Variants in PIK3AP1 observed in about 807,000 individuals in gnomAD.
The protein encoded by PIK3AP1 is phosphoinositide 3-kinase adapter protein 1.
In PIK3AP1, 21 loss-of-function variants were observed where a neutral mutation model predicts 88.1. The ratio of observed to expected loss-of-function variants is 0.24; its 90% CI spans 0.17 to 0.34. The LOEUF is 0.34. PIK3AP1 is among the 10% of genes least tolerant of loss of function. The pLI is 1.00. For synonymous variants in PIK3AP1, 398 were observed against 400.0 expected (o/e 1.00, Z 0.06); for missense variants, 828 against 1,035.7 (o/e 0.80, Z 2.75).
At chr10:96,717,383 C>T (rs1844515977) in intron 1 of PIK3AP1, among the ~76,000 whole-genome samples, 1 of 152,080 alleles carries the variant, frequency 6.6e-6, no homozygotes, top group South Asian at 2.1e-4. Flanking sequence ...ATTCATCCAT[C>T]CTGGAGCCCC....
chr10:96,635,904 C>CA (rs1275502984), intron 8 of PIK3AP1, among the ~76,000 whole-genome samples: 1 of 151,274 alleles, frequency 6.6e-6, no homozygotes, highest in East Asian at 1.9e-4. Context: ...GACTCCATCT[C>CA]AAAAAAAGAA....
At chr10:96,657,530 G>T (rs1204407159) in intron 2 of PIK3AP1, among the ~76,000 whole-genome samples, 1 of 152,168 alleles carries the variant, frequency 6.6e-6, no homozygotes, top group Non-Finnish European at 1.5e-5. Context: ...GGTGAGCAGG[G>T]GTGTGCAAAT....
At chr10:96,632,995 C>A in intron 8 of PIK3AP1, 1 of 1,612,782 alleles carries the variant, frequency 6.2e-7, no homozygotes, top group South Asian at 1.1e-5. Context: ...GTCCTTGCAT[C>A]TGATCAGCAA....
At chr10:96,612,555 C>T (rs1034822818) in intron 13 of PIK3AP1, among the ~76,000 whole-genome samples, 1 of 152,118 alleles carries the variant, frequency 6.6e-6, no homozygotes, top group Non-Finnish European at 1.5e-5. Context: ...TATCGTGTGT[C>T]AATAATATGT....
intron 1 of PIK3AP1, among the ~76,000 whole-genome samples, chr10:96,716,283 TTAAATAAATAAA>T (rs556728068): frequency 6.6e-6 from 1 of 151,838 alleles, no homozygotes; most frequent in Non-Finnish European, 1.5e-5. Flanking sequence ...CCCTGTCTCA[TTAAATAAATAAA>T]TAAATAAATA....
At chr10:96,719,239 T>C (rs1844541349) in intron 1 of PIK3AP1, among the ~76,000 whole-genome samples, 1 of 152,272 alleles carries the variant, frequency 6.6e-6, no homozygotes, top group Admixed American at 6.5e-5. Flanking sequence ...TCCTGGCCTT[T>C]TCTACCTCTG....
At chr10:96,596,611 A>G (rs1424106513) in intron 16 of PIK3AP1, among the ~76,000 whole-genome samples, 2 of 152,212 alleles carry the variant, frequency 1.3e-5, no homozygotes, top group East Asian at 3.8e-4. Context: ...CTGCTTCCTC[A>G]TGAGATAACT....
At chr10:96,642,649 C>T (rs529664189) in intron 8 of PIK3AP1, among the ~76,000 whole-genome samples, 4 of 152,282 alleles carry the variant, frequency 2.6e-5, no homozygotes, top group East Asian at 1.9e-4. Context: ...CCCCCTGGCC[C>T]GGGTGACTTC....
At chr10:96,671,666 C>CCGT (rs1427029393) in intron 2 of PIK3AP1, among the ~76,000 whole-genome samples, 3 of 151,036 alleles carry the variant, frequency 2.0e-5, no homozygotes, top group Non-Finnish European at 4.4e-5. Flanking sequence ...GTTCTCATCA[C>CCGT]CGTCGTCATC....
chr10:96,620,650 G>T, intron 11 of PIK3AP1, 93 bp from the exon 12 acceptor site: 4 of 1,074,420 alleles, frequency 3.7e-6, no homozygotes, highest in South Asian at 1.4e-5. Context: ...ACAGGCTCAA[G>T]AGGACTCTTC....
intron 2 of PIK3AP1, among the ~76,000 whole-genome samples, chr10:96,690,026 A>G (rs1198916052): frequency 2.0e-5 from 3 of 152,218 alleles, no homozygotes; most frequent in Admixed American, 2.0e-4. Flanking sequence ...ACTACTGTCC[A>G]GGAATCCTAA....
chr10:96,708,548 C>CTGGA (rs1844394264), intron 2 of PIK3AP1, among the ~76,000 whole-genome samples: 1 of 129,590 alleles, frequency 7.7e-6, no homozygotes, highest in Admixed American at 9.3e-5. Flanking sequence ...GCACTCCAAC[C>CTGGA]TGGACGTCAG....
chr10:96,633,132 A>G (rs2134214655), intron 8 of PIK3AP1: 3 of 1,468,248 alleles, frequency 2.0e-6, no homozygotes, highest in Non-Finnish European at 2.7e-6. Context: ...GAGGTATGCC[A>G]GAGTCAATGC....
chr10:96,617,183 T>G (rs1446550651), intron 12 of PIK3AP1, among the ~76,000 whole-genome samples: 2 of 152,186 alleles, frequency 1.3e-5, no homozygotes, highest in African/African-American at 4.8e-5. Flanking sequence ...GTGTGCACAC[T>G]CTTGTGCCTT....
chr10:96,677,604 CACA>C (rs1843941619), intron 2 of PIK3AP1, among the ~76,000 whole-genome samples: 1 of 151,714 alleles, frequency 6.6e-6, no homozygotes, highest in African/African-American at 2.4e-5. Flanking sequence ...CACACACACA[CACA>C]CACACACACA....
intron 1 of PIK3AP1, among the ~76,000 whole-genome samples, chr10:96,715,408 C>A (rs1844488811): frequency 6.6e-6 from 1 of 152,158 alleles, no homozygotes; most frequent in Non-Finnish European, 1.5e-5. Context: ...CTAAGGAAAT[C>A]TGAGGAAAGC....
intron 16 of PIK3AP1, among the ~76,000 whole-genome samples, chr10:96,601,243 G>A (rs1478352145): frequency 6.6e-6 from 1 of 152,050 alleles, no homozygotes; most frequent in Non-Finnish European, 1.5e-5. Flanking sequence ...GGAGGCTGAG[G>A]CGAGCAGATT....
chr10:96,705,896 T>G (rs1213774611), intron 2 of PIK3AP1, among the ~76,000 whole-genome samples: 1 of 133,452 alleles, frequency 7.5e-6, no homozygotes, highest in Non-Finnish European at 1.6e-5. Flanking sequence ...TTTTTTTTTT[T>G]TTTTTTTTTT....
At chr10:96,709,178 G>A (rs576330338) in intron 2 of PIK3AP1, among the ~76,000 whole-genome samples, 10 of 149,328 alleles carry the variant, frequency 6.7e-5, no homozygotes, top group South Asian at 6.4e-4. Context: ...TGTGAAGTTC[G>A]CGTGATGATA....
Sources: gnomAD v4.1 joint callset for allele counts (sites outside exome capture counted in the v4.1 genomes callset) on GRCh38, gnomAD v4.1.1 for gene constraint, MANE v1.5 for transcripts, NCBI Gene and HGNC (gene_info 2026-07-23, HGNC 2026-07-21) for gene names.